AGBL4: variants seen among roughly 807,000 people sequenced by gnomAD.
AGBL4 encodes AGBL carboxypeptidase 4.
In AGBL4, 58 loss-of-function variants were observed where a neutral mutation model predicts 66.4. That is an observed-to-expected ratio of 0.87 (90% CI 0.71 to 1.09). The LOEUF (loss-of-function observed/expected upper bound fraction) is 1.09. Among genes scored for constraint, AGBL4 ranks in the 50% least tolerant of loss-of-function variants. AGBL4 has a pLI of 0.00. For synonymous variants in AGBL4, 234 were observed against 222.9 expected (o/e 1.05, Z -0.44); for missense variants, 579 against 631.0 (o/e 0.92, Z 0.88).
At chr1:49,741,866 A>C (rs1288137705) in intron 2 of AGBL4, among the ~76,000 whole-genome samples, 4 of 151,882 alleles carry the variant, frequency 2.6e-5, no homozygotes, top group Non-Finnish European at 4.4e-5. Context: ...CATGCTAAAA[A>C]CTCTCAATAA....
At chr1:48,694,790 C>A (rs905937315) in intron 6 of AGBL4, among the ~76,000 whole-genome samples, 2 of 152,106 alleles carry the variant, frequency 1.3e-5, no homozygotes, top group African/African-American at 4.8e-5. Context: ...TTTCCTGACT[C>A]TCCTCTTCTG....
At chr1:48,978,757 G>A (rs570074921) in intron 5 of AGBL4, among the ~76,000 whole-genome samples, 6 of 152,164 alleles carry the variant, frequency 3.9e-5, no homozygotes, top group African/African-American at 1.4e-4. Context: ...GAATGAACCT[G>A]ACTGACCTAG....
intron 5 of AGBL4, among the ~76,000 whole-genome samples, chr1:48,967,271 G>A (rs1489870728): frequency 6.6e-6 from 1 of 151,732 alleles, no homozygotes; most frequent in Non-Finnish European, 1.5e-5. Context: ...ACCAAGACCT[G>A]TGAGTACTTA....
intron 4 of AGBL4, among the ~76,000 whole-genome samples, chr1:49,143,868 T>C (rs1480777986): frequency 6.6e-6 from 1 of 152,242 alleles, no homozygotes; most frequent in East Asian, 1.9e-4. Context: ...CTCACCATTT[T>C]ATCTCCATAT....
intron 2 of AGBL4, among the ~76,000 whole-genome samples, chr1:49,822,310 CGTGTGTGT>C (rs143957066): frequency 6.9e-6 from 1 of 145,796 alleles, no homozygotes; most frequent in Non-Finnish European, 1.5e-5. Context: ...CTTCTTTCTT[CGTGTGTGT>C]GTGTGTGTGT....
chr1:49,841,206 C>A (rs1278902763), intron 2 of AGBL4, among the ~76,000 whole-genome samples: 1 of 152,144 alleles, frequency 6.6e-6, no homozygotes, highest in Non-Finnish European at 1.5e-5. Flanking sequence ...AACCAATAAG[C>A]ATCCAGAATG....
At chr1:50,000,718 C>G (rs561572694) in intron 1 of AGBL4, among the ~76,000 whole-genome samples, 1 of 152,114 alleles carries the variant, frequency 6.6e-6, no homozygotes, top group Non-Finnish European at 1.5e-5. Context: ...TATATATACA[C>G]CATGGAATAC....
intron 3 of AGBL4, among the ~76,000 whole-genome samples, chr1:49,601,505 A>C (rs989874279): frequency 6.6e-6 from 1 of 152,150 alleles, no homozygotes; most frequent in Non-Finnish European, 1.5e-5. Context: ...CAAATCAGAT[A>C]TATAGACCAA....
At chr1:49,743,895 G>A (rs922772032) in intron 2 of AGBL4, among the ~76,000 whole-genome samples, 2 of 117,906 alleles carry the variant, frequency 1.7e-5, no homozygotes, top group Non-Finnish European at 3.3e-5. Flanking sequence ...CACACACCAG[G>A]ACCTATTGTG....
chr1:49,029,834 G>C (rs1156915929), intron 5 of AGBL4, among the ~76,000 whole-genome samples: 1 of 152,150 alleles, frequency 6.6e-6, no homozygotes, highest in Non-Finnish European at 1.5e-5. Flanking sequence ...TAGACATATA[G>C]ATCAATAGAA....
intron 8 of AGBL4, among the ~76,000 whole-genome samples, chr1:48,638,890 G>A (rs561462695): frequency 2.0e-5 from 3 of 152,214 alleles, no homozygotes; most frequent in African/African-American, 7.2e-5. Flanking sequence ...CAATCACATG[G>A]TAAACCTCAA....
intron 5 of AGBL4, among the ~76,000 whole-genome samples, chr1:48,937,518 T>C (rs540539603): frequency 1.3e-5 from 2 of 152,326 alleles, no homozygotes; most frequent in Admixed American, 6.5e-5. Context: ...GTTTCAAGTA[T>C]ATGCTGTTTC....
In AGBL4 at chr1:49,411,479, C is replaced by G. The variant is rs550760404; in HGVS notation, c.283-165615G>C. ...CGGGAAACAATACTTTGCCAGTTAT[C>G]TAGGCATCCTTCAATCCAATCAAGT... On this transcript the variant is annotated intron_variant, in intron 3 of 13. Transcript: ENST00000371839. 3.3e-5 allele frequency among the ~76,000 whole-genome samples: 5 copies of G among 152,282 alleles called. No individual in the cohort carries two copies. The South Asian group carries it at 8.3e-4, about 25-fold the overall frequency.
chr1:49,976,992 C>T (rs1658615159), intron 1 of AGBL4, among the ~76,000 whole-genome samples: 1 of 152,198 alleles, frequency 6.6e-6, no homozygotes, highest in Non-Finnish European at 1.5e-5. Context: ...ACACATACTT[C>T]CCTTTGCCAA....
At chr1:48,964,656 T>G (rs1658274869) in intron 5 of AGBL4, among the ~76,000 whole-genome samples, 2 of 152,024 alleles carry the variant, frequency 1.3e-5, no homozygotes, top group Admixed American at 1.3e-4. Flanking sequence ...CAGCAGAGTT[T>G]ATCTACTGCC....
intron 3 of AGBL4, among the ~76,000 whole-genome samples, chr1:49,616,797 C>T (rs1480823065): frequency 6.6e-6 from 1 of 152,270 alleles, no homozygotes; most frequent in East Asian, 1.9e-4. Context: ...TTGATGCCAT[C>T]CTTGACTCAT....
rs902777534 is a variant in AGBL4, at chr1:49,000,975, G to A, written c.594+44609C>T. The stretch of plus-strand genomic sequence containing the variant: ...AGTGAAGAGAATATACAACCCAAAG[G>A]CAAAAGCTCAGGGTTGAGTGCCGGG... On this transcript the variant is annotated intron_variant, in intron 5 of 13. Transcript: ENST00000371839. 5.9e-5 allele frequency among the ~76,000 whole-genome samples: 9 copies of A among 152,168 alleles called. No individual in the cohort carries two copies. In the East Asian group the frequency reaches 1.3e-3, roughly 23 times the overall value.
intron 1 of AGBL4, among the ~76,000 whole-genome samples, chr1:49,934,573 G>C (rs1034431879): frequency 6.6e-6 from 1 of 151,988 alleles, no homozygotes; most frequent in African/African-American, 2.4e-5. Flanking sequence ...GGTCAAAAAA[G>C]AAATTAAAAG....
At chr1:48,570,055 C>CT (rs1644534564) in intron 11 of AGBL4, among the ~76,000 whole-genome samples, 1 of 152,230 alleles carries the variant, frequency 6.6e-6, no homozygotes. Flanking sequence ...CACTGTGCTG[C>CT]TGCTCACTGT....
Sources: allele counts gnomAD v4.1 joint callset (sites outside exome capture counted in the v4.1 genomes callset), GRCh38; gene constraint gnomAD v4.1.1; transcripts MANE v1.5; gene names NCBI Gene and HGNC (gene_info 2026-07-23, HGNC 2026-07-21).